Variants in HTR2C observed in about 807,000 individuals in gnomAD.
The protein encoded by HTR2C is 5-hydroxytryptamine receptor 2C, also known as 5-hydroxytryptamine (serotonin) receptor 2C, G protein-coupled.
A neutral mutation model predicts 21.0 loss-of-function variants in HTR2C; 5 were observed. That is an observed-to-expected ratio of 0.24 (90% CI 0.12 to 0.50). HTR2C has a LOEUF of 0.50. Among genes scored for constraint, HTR2C ranks in the 20% least tolerant of loss-of-function variants. The pLI is 0.98. For missense variants in HTR2C, 271 were observed against 371.2 expected, an observed-to-expected ratio of 0.73 and a Z score of 2.22; for synonymous variants, 150 against 145.3, an observed-to-expected ratio of 1.03 and a Z score of -0.23.
intron 4 of HTR2C, among the ~76,000 whole-genome samples, chrX:114,762,022 ATT>A: frequency 2.5e-5 from 1 of 39,798 alleles, no homozygotes; most frequent in African/African-American, 6.8e-5. Flanking sequence ...TATATATACT[ATT>A]TGTACACATA....
chrX:114,626,626 C>A (rs181359078), intron 2 of HTR2C, among the ~76,000 whole-genome samples: 4 of 111,909 alleles, frequency 3.6e-5, no homozygotes, highest in Non-Finnish European at 5.6e-5. Context: ...TCTAGACAAC[C>A]TTTTAGGAAA....
intron 5 of HTR2C, among the ~76,000 whole-genome samples, chrX:114,867,918 A>G (rs2071058979): frequency 9.0e-6 from 1 of 111,664 alleles, no homozygotes; most frequent in African/African-American, 3.3e-5. Context: ...GGTCTGTAGT[A>G]TAATTTGAAG....
At chrX:114,840,448 A>G (rs1366471632) in intron 4 of HTR2C, among the ~76,000 whole-genome samples, 4 of 111,505 alleles carry the variant, frequency 3.6e-5, no homozygotes, top group Admixed American at 1.9e-4. Context: ...GCATTTGAAG[A>G]TAGATCTATA....
intron 2 of HTR2C, among the ~76,000 whole-genome samples, chrX:114,647,176 G>A (rs1013912507): frequency 9.0e-6 from 1 of 111,016 alleles, no homozygotes; most frequent in Non-Finnish European, 1.9e-5. Flanking sequence ...ACAGCATGAG[G>A]ACTATAGTTA....
At chrX:114,624,197 C>T (rs1556402425) in intron 2 of HTR2C, among the ~76,000 whole-genome samples, 2 of 110,555 alleles carry the variant, frequency 1.8e-5, no homozygotes, top group Non-Finnish European at 3.8e-5. Flanking sequence ...CACCCAGCCC[C>T]AAAAGTTGTC....
intron 2 of HTR2C, among the ~76,000 whole-genome samples, chrX:114,688,331 A>AAAAAG (rs781965522): frequency 1.2e-4 from 13 of 109,486 alleles, no homozygotes; most frequent in African/African-American, 9.9e-5. Context: ...AAAAAAAAAA[A>AAAAAG]AAAAGAAAAG....
chrX:114,715,908 T>C (rs1932986450), intron 2 of HTR2C, among the ~76,000 whole-genome samples: 1 of 112,699 alleles, frequency 8.9e-6, no homozygotes, highest in African/African-American at 3.2e-5. Context: ...GTTTACCTTG[T>C]TTACTACTAC....
intron 2 of HTR2C, among the ~76,000 whole-genome samples, chrX:114,678,503 A>C (rs1931640872): frequency 9.0e-6 from 1 of 111,483 alleles, no homozygotes; most frequent in South Asian, 3.7e-4. Flanking sequence ...ACTAAGCTCT[A>C]GTGATGCAGT....
At chrX:114,721,408 T>C (rs1933206861) in intron 2 of HTR2C, among the ~76,000 whole-genome samples, 1 of 95,911 alleles carries the variant, frequency 1.0e-5, no homozygotes, top group Admixed American at 1.2e-4. Flanking sequence ...TTGTAGATTC[T>C]GGATATTAGC....
intron 4 of HTR2C, among the ~76,000 whole-genome samples, chrX:114,745,694 TC>T (rs2069696283): frequency 9.0e-6 from 1 of 111,702 alleles, no homozygotes; most frequent in Non-Finnish European, 1.9e-5. Context: ...AGTGAAATAA[TC>T]CAGACACAGG....
chrX:114,795,681 G>A (rs2070285470), intron 4 of HTR2C, among the ~76,000 whole-genome samples: 1 of 111,608 alleles, frequency 9.0e-6, no homozygotes, highest in African/African-American at 3.3e-5. Context: ...TTGTAAATAT[G>A]TGGCATTATT....
chrX:114,766,882 A>G (rs1556435313), intron 4 of HTR2C, among the ~76,000 whole-genome samples: 1 of 110,830 alleles, frequency 9.0e-6, no homozygotes, highest in Non-Finnish European at 1.9e-5. Context: ...TGCTCATATA[A>G]CATTAAGTCC....
intron 1 of HTR2C, among the ~76,000 whole-genome samples, chrX:114,606,614 G>T (rs1329817617): frequency 1.8e-5 from 2 of 111,815 alleles, no homozygotes; most frequent in Admixed American, 9.5e-5. Flanking sequence ...AGTGAGAGAG[G>T]TTGGAGAAGA....
chrX:114,621,502 C>T (rs1454248380), intron 2 of HTR2C, among the ~76,000 whole-genome samples: 15 of 111,909 alleles, frequency 1.3e-4, no homozygotes, highest in African/African-American at 4.5e-4. Flanking sequence ...AAAACAAATA[C>T]ATCATTCTTA....
chrX:114,808,389 C>A (rs1556451576), intron 4 of HTR2C, among the ~76,000 whole-genome samples: 1 of 111,509 alleles, frequency 9.0e-6, no homozygotes, highest in Non-Finnish European at 1.9e-5. Flanking sequence ...TAGGTTACTT[C>A]CAAGTCTTAC....
chrX:114,834,837 C>T (rs2070765331), intron 4 of HTR2C, among the ~76,000 whole-genome samples: 1 of 109,263 alleles, frequency 9.2e-6, no homozygotes, highest in East Asian at 2.9e-4. Context: ...TTTGCAGCGG[C>T]TGGTACCAGT....
intron 4 of HTR2C, among the ~76,000 whole-genome samples, chrX:114,773,077 T>C (rs782146643): frequency 8.9e-6 from 1 of 111,909 alleles, no homozygotes; most frequent in Non-Finnish European, 1.9e-5. Flanking sequence ...TTCTAAGACC[T>C]TTCTTAAGCA....
intron 4 of HTR2C, among the ~76,000 whole-genome samples, chrX:114,746,790 C>G (rs2069709150): frequency 9.0e-6 from 1 of 110,560 alleles, no homozygotes; most frequent in Non-Finnish European, 1.9e-5. Flanking sequence ...TTGAGACCAT[C>G]CAGGCTAACA....
At chrX:114,745,427 T>C (rs2069693246) in intron 4 of HTR2C, among the ~76,000 whole-genome samples, 1 of 111,972 alleles carries the variant, frequency 8.9e-6, no homozygotes, top group Non-Finnish European at 1.9e-5. Flanking sequence ...TGAGCTGCTA[T>C]ATGATCTAGC....
Sources: allele counts gnomAD v4.1 joint callset (sites outside exome capture counted in the v4.1 genomes callset), GRCh38; gene constraint gnomAD v4.1.1; transcripts MANE v1.5; gene names NCBI Gene and HGNC (gene_info 2026-07-23, HGNC 2026-07-21).